Variants in PDE9A observed in about 807,000 individuals in gnomAD.
PDE9A encodes the protein high affinity cGMP-specific 3',5'-cyclic phosphodiesterase 9A.
In PDE9A, 60 loss-of-function variants were observed where a neutral mutation model predicts 87.4. That is an observed-to-expected ratio of 0.69 (90% CI 0.56 to 0.85). The LOEUF is 0.85. Among genes scored for constraint, PDE9A ranks in the 40% least tolerant of loss-of-function variants. PDE9A has a pLI of 0.00. For missense variants in PDE9A, 665 were observed against 779.0 expected, an observed-to-expected ratio of 0.85 and a Z score of 1.74; for synonymous variants, 272 against 279.4, an observed-to-expected ratio of 0.97 and a Z score of 0.27.
At chr21:42,740,764 GATAGATA>G (rs1569229337) in intron 7 of PDE9A, among the ~76,000 whole-genome samples, 3 of 147,968 alleles carry the variant, frequency 2.0e-5, no homozygotes, top group South Asian at 2.1e-4. Context: ...AGGATAGATA[GATAGATA>G]GATAGATAGA....
In PDE9A at chr21:42,663,666, G is replaced by A. The variant is rs1473702923; in HGVS notation, c.69+9783G>A. Reference sequence around the variant, plus strand: ...TGGGGGCGGGGTGCCACCGTGATGTGCCGTCACTTGCAGCAGTATGTCCTC... The same window carrying A: ...TGGGGGCGGGGTGCCACCGTGATGTACCGTCACTTGCAGCAGTATGTCCTC... On this transcript the variant is annotated intron_variant, in intron 1 of 19. Coordinates refer to ENST00000291539, the MANE Select transcript of PDE9A (RefSeq NM_002606.3). Among the ~76,000 whole-genome samples the A allele has an allele frequency of 3.3e-5, 5 of 152,178 alleles. No individual in the cohort carries two copies. The East Asian group carries it at 9.6e-4, about 29-fold the overall frequency.
In PDE9A at chr21:42,712,403, A is replaced by T. The variant is rs943428481; in HGVS notation, c.262+13392A>T. ...TGTGAATTTGCTTAATTCATTGGTT[A>T]GTTCTAGTTGTTGTTTTATAGGTTC... On this transcript the variant is annotated intron_variant, in intron 4 of 19. Coordinates refer to ENST00000291539, the MANE Select transcript of PDE9A (RefSeq NM_002606.3). Among the ~76,000 whole-genome samples, 8 of 152,172 alleles carry T rather than the reference A, an allele frequency of 5.3e-5. No individual in the cohort carries two copies. The East Asian group carries it at 1.2e-3, about 22-fold the overall frequency.
chr21:42,691,550 G>A (rs893013381), intron 3 of PDE9A, among the ~76,000 whole-genome samples: 6 of 146,138 alleles, frequency 4.1e-5, no homozygotes, highest in African/African-American at 1.5e-4. Context: ...ACTATCCAAA[G>A]TCATCTAGCA....
At chr21:42,676,195 A>G (rs1312475378) in intron 1 of PDE9A, among the ~76,000 whole-genome samples, 2 of 152,212 alleles carry the variant, frequency 1.3e-5, no homozygotes, top group East Asian at 3.8e-4. Flanking sequence ...TGAGCCAATT[A>G]GAAATTGGCT....
At chr21:42,683,790 C>T (rs920063541) in intron 1 of PDE9A, among the ~76,000 whole-genome samples, 2 of 152,206 alleles carry the variant, frequency 1.3e-5, no homozygotes, top group Admixed American at 1.3e-4. Context: ...TGATTTGAGT[C>T]GGTCTTGCCA....
At chr21:42,713,203 C>T (rs1441863607) in intron 4 of PDE9A, among the ~76,000 whole-genome samples, 6 of 152,082 alleles carry the variant, frequency 3.9e-5, no homozygotes, top group African/African-American at 1.4e-4. Flanking sequence ...GCTGCCATCT[C>T]GGCTCACTGC....
In PDE9A at chr21:42,660,096, G is replaced by T. The variant is rs994167066; in HGVS notation, c.69+6213G>T. On this transcript the variant is annotated intron_variant, in intron 1 of 19. Transcript: ENST00000291539. The surrounding 1 kb of genome is among the most constrained non-coding windows in gnomAD (Gnocchi z 4.7). Reference sequence around the variant, plus strand: ...CAGTCCTGGGCTTGCTTCCCAGGGGGTGGTGGGCAACCCTGAACCCTCTCT... The same window carrying T: ...CAGTCCTGGGCTTGCTTCCCAGGGGTTGGTGGGCAACCCTGAACCCTCTCT... Among the ~76,000 whole-genome samples, 6 of 152,188 alleles carry T rather than the reference G, an allele frequency of 3.9e-5. No homozygotes were observed. Among genetic ancestry groups the T allele is most frequent in the African/African-American group, 1.4e-4 (6 of 41,462 alleles).
intron 1 of PDE9A, among the ~76,000 whole-genome samples, chr21:42,674,046 G>C (rs73905735): frequency 6.6e-6 from 1 of 152,212 alleles, no homozygotes; most frequent in Non-Finnish European, 1.5e-5. Flanking sequence ...ATATAGAAAC[G>C]AAGAAACGAA....
At chr21:42,717,294 C>CTTTTTTTT in intron 4 of PDE9A, among the ~76,000 whole-genome samples, 1 of 85,186 alleles carries the variant, frequency 1.2e-5, no homozygotes, top group Non-Finnish European at 2.1e-5. Context: ...TGGAACATGC[C>CTTTTTTTT]TTTTTTTTTT....
rs78933078 is a variant in PDE9A, at chr21:42,683,562, C to G, written c.70-2630C>G. ...AAGGATCCCCCCAGGCCTCCGGGGC[C>G]GCCTGGGCTGCCTGGCCTCACGACC... On this transcript the variant is annotated intron_variant, in intron 1 of 19. Transcript: ENST00000291539. Among the ~76,000 whole-genome samples, 752 of 152,304 alleles carry G rather than the reference C, an allele frequency of 4.9e-3. 9 individuals are homozygous for G. Among genetic ancestry groups the G allele is most frequent in the African/African-American group, 0.017 (722 of 41,566 alleles).
At chr21:42,657,106 G>A (rs879412982) in intron 1 of PDE9A, among the ~76,000 whole-genome samples, 5 of 152,242 alleles carry the variant, frequency 3.3e-5, no homozygotes, top group East Asian at 1.9e-4. Context: ...TTTCCCTGAC[G>A]ATCGGCTTTG....
At chr21:42,735,187 G>A (rs894779623) in intron 7 of PDE9A, among the ~76,000 whole-genome samples, 5 of 152,186 alleles carry the variant, frequency 3.3e-5, no homozygotes, top group East Asian at 1.9e-4. Flanking sequence ...CTGTGCTGCC[G>A]TCTCTGAGCC....
At chr21:42,670,946 T>C (rs1017096343) in intron 1 of PDE9A, among the ~76,000 whole-genome samples, 3 of 145,062 alleles carry the variant, frequency 2.1e-5, no homozygotes, top group Non-Finnish European at 4.7e-5. Flanking sequence ...CCTGAACACA[T>C]GTTATCTTTG....
At chr21:42,751,637 G>C (rs1191278279) in intron 9 of PDE9A, among the ~76,000 whole-genome samples, 2 of 152,076 alleles carry the variant, frequency 1.3e-5, no homozygotes. Context: ...TGACGTTGGT[G>C]AAGTAGCAAT....
At chr21:42,654,600 A>C (rs1203358445) in intron 1 of PDE9A, among the ~76,000 whole-genome samples, 2 of 152,156 alleles carry the variant, frequency 1.3e-5, no homozygotes, top group South Asian at 2.1e-4. Context: ...CATTGTGAGG[A>C]AATCCCTCAA....
intron 3 of PDE9A, chr21:42,689,785 A>G (rs2059688344): frequency 1.0e-6 from 1 of 985,310 alleles, no homozygotes; most frequent in Non-Finnish European, 1.2e-6. Context: ...GCCAAAATGC[A>G]TGCCTTTCTG....
intron 4 of PDE9A, among the ~76,000 whole-genome samples, chr21:42,727,066 C>A (rs28797576): frequency 0.13 from 15,234 of 119,806 alleles, 1,081 homozygotes; most frequent in East Asian, 0.37. Context: ...TTAGAATAAT[C>A]TCTATTTCTA....
chr21:42,712,307 C>T (rs1295701683), intron 4 of PDE9A, among the ~76,000 whole-genome samples: 1 of 152,118 alleles, frequency 6.6e-6, no homozygotes. Flanking sequence ...AATAAGATTT[C>T]ATTAATTTTC....
In PDE9A at chr21:42,696,056, C is replaced by T. The variant is rs2060125379; in HGVS notation, c.219-2912C>T. 6.6e-6 allele frequency among the ~76,000 whole-genome samples: 1 copy of T among 152,218 alleles called. No homozygotes were observed. On this transcript the variant is annotated intron_variant, in intron 3 of 19. Coordinates refer to ENST00000291539, the MANE Select transcript of PDE9A (RefSeq NM_002606.3). The surrounding 1 kb of genome is among the most constrained non-coding windows in gnomAD (Gnocchi z 5.1). Reference sequence around the variant, plus strand: ...CCCTCTGTTGCTGATGTGATGGCTCCTGCCCTCAGCTTACCAGACTCCTCG... The same window carrying T: ...CCCTCTGTTGCTGATGTGATGGCTCTTGCCCTCAGCTTACCAGACTCCTCG...
Sources: gnomAD v4.1 joint callset for allele counts (sites outside exome capture counted in the v4.1 genomes callset) on GRCh38, gnomAD v4.1.1 for gene constraint, Gnocchi (gnomAD v3.1) non-coding constraint, MANE v1.5 for transcripts, NCBI Gene and HGNC (gene_info 2026-07-23, HGNC 2026-07-21) for gene names.